The following GAS7 variants were observed in gnomAD, a reference collection of about 807,000 sequenced individuals.
GAS7 encodes the protein growth arrest specific 7, also known as growth arrest-specific protein 7.
Under a neutral mutation model 71.1 loss-of-function variants are expected in GAS7, and 28 were observed. The ratio of observed to expected loss-of-function variants is 0.39; its 90% CI spans 0.29 to 0.54. GAS7 has a LOEUF of 0.54. Ranked by LOEUF, GAS7 falls within the 20% of genes least tolerant of loss-of-function variation. The pLI is 0.62. For missense variants in GAS7, 436 were observed against 627.8 expected (o/e 0.69, Z 3.27); for synonymous variants, 258 against 245.8 (o/e 1.05, Z -0.46).
intron 1 of GAS7, among the ~76,000 whole-genome samples, chr17:10,063,986 G>T (rs991858256): frequency 6.6e-6 from 1 of 152,116 alleles, no homozygotes; most frequent in East Asian, 1.9e-4. Context: ...TAGCACGAGC[G>T]CTCGTCCCCA....
In GAS7 at chr17:10,053,595, G is replaced by A. The variant is rs139154984; in HGVS notation, c.184-33698C>T. Among the ~76,000 whole-genome samples the A allele has an allele frequency of 2.0e-3, 300 of 152,248 alleles. 1 individual carries two copies. The highest frequency in any genetic ancestry group is 6.9e-3 in the African/African-American group (287 of 41,534). On this transcript the variant is annotated intron_variant, in intron 1 of 13. Transcript: ENST00000432992. ...AACCATCTCTCCAGAACAGTTGAAG[G>A]CACCAGGTCTCTTCATCGATGTGGC...
At chr17:10,145,813 T>A (rs1441667730) in intron 1 of GAS7, among the ~76,000 whole-genome samples, 1 of 152,152 alleles carries the variant, frequency 6.6e-6, no homozygotes, top group African/African-American at 2.4e-5. Context: ...GAGAGACACC[T>A]CCCAGCTCTC....
chr17:10,194,664 C>T (rs1359141564), intron 1 of GAS7, among the ~76,000 whole-genome samples: 1 of 152,140 alleles, frequency 6.6e-6, no homozygotes, highest in African/African-American at 2.4e-5. Context: ...TCTACCATAT[C>T]TCTCAAATGA....
intron 1 of GAS7, among the ~76,000 whole-genome samples, chr17:10,143,627 T>C (rs2074100488): frequency 6.6e-6 from 1 of 151,646 alleles, no homozygotes. Flanking sequence ...ATGCCTGGTG[T>C]CCTTATAAGA....
intron 2 of GAS7, among the ~76,000 whole-genome samples, chr17:10,010,074 T>C (rs755527644): frequency 6.6e-6 from 1 of 152,120 alleles, no homozygotes; most frequent in African/African-American, 2.4e-5. Context: ...AATGACCAGA[T>C]AGCTTGGATC....
chr17:9,915,774 G>A lies in GAS7; in HGVS notation c.*1454C>T. ...AGATGAAGAAAGATGGATTTCCAGG[G>A]CATGGGCTCCCGACTAGAATCTGCC... On this transcript the variant is annotated 3_prime_UTR_variant, in exon 14 of 14. Coordinates refer to ENST00000432992, the MANE Select transcript of GAS7 (RefSeq NM_201433.2). 1 of 231,092 alleles carries A rather than the reference G, an allele frequency of 4.3e-6. No individual in the cohort carries two copies. Among genetic ancestry groups the A allele is most frequent in the Non-Finnish European group, 8.6e-6 (1 of 116,672 alleles). The allele number at this position is 231,092 out of a possible 1,614,324, so 14.3% of individuals were successfully genotyped here. A position where few individuals can be genotyped will look rare whatever the true frequency, so the allele number is the denominator to read the frequency against.
intron 5 of GAS7, among the ~76,000 whole-genome samples, chr17:9,948,990 T>C (rs2068897556): frequency 6.6e-6 from 1 of 152,216 alleles, no homozygotes; most frequent in African/African-American, 2.4e-5. Flanking sequence ...CCTGAGGTTT[T>C]GGGCCCAGGA....
At chr17:10,007,480 C>T (rs2071583056) in intron 2 of GAS7, among the ~76,000 whole-genome samples, 1 of 151,942 alleles carries the variant, frequency 6.6e-6, no homozygotes, top group Admixed American at 6.6e-5. Flanking sequence ...CAAAATTAGC[C>T]AGGCGTGGTG....
At chr17:10,174,080 C>T (rs1453677351) in intron 1 of GAS7, among the ~76,000 whole-genome samples, 1 of 152,182 alleles carries the variant, frequency 6.6e-6, no homozygotes, top group Non-Finnish European at 1.5e-5. Flanking sequence ...AACCCTGGGC[C>T]AGGCACTGTC....
chr17:10,144,862 T>TA (rs112904693), intron 1 of GAS7, among the ~76,000 whole-genome samples: 36 of 151,340 alleles, frequency 2.4e-4, no homozygotes, highest in African/African-American at 6.1e-4. Context: ...GTTACATTTC[T>TA]AAAAAAAAAG....
chr17:10,059,641 C>G (rs1395399310), intron 1 of GAS7: 1 of 973,544 alleles, frequency 1.0e-6, no homozygotes, highest in Non-Finnish European at 1.2e-6. Flanking sequence ...GTCCAATTAG[C>G]TTCGAGCATC....
At chr17:10,186,852 C>T (rs1441877323) in intron 1 of GAS7, among the ~76,000 whole-genome samples, 1 of 151,944 alleles carries the variant, frequency 6.6e-6, no homozygotes, top group Non-Finnish European at 1.5e-5. Flanking sequence ...AGTGCCACTG[C>T]ACTCCAGCCC....
At chr17:10,150,923 C>A (rs1363752196) in intron 1 of GAS7, among the ~76,000 whole-genome samples, 1 of 152,170 alleles carries the variant, frequency 6.6e-6, no homozygotes, top group African/African-American at 2.4e-5. Flanking sequence ...CAGGCATCAT[C>A]ATGGTGTGAC....
At chr17:10,193,629 C>T (rs1444608928) in intron 1 of GAS7, among the ~76,000 whole-genome samples, 1 of 152,196 alleles carries the variant, frequency 6.6e-6, no homozygotes, top group African/African-American at 2.4e-5. Context: ...CCAGCTACCA[C>T]ATAACTCCTG....
At chr17:10,083,999 G>A (rs892064114) in intron 1 of GAS7, among the ~76,000 whole-genome samples, 2 of 152,156 alleles carry the variant, frequency 1.3e-5, no homozygotes, top group Non-Finnish European at 2.9e-5. Flanking sequence ...GCCTGGAGGT[G>A]AGGTTTCACA....
chr17:10,157,614 C>T (rs913310035), intron 1 of GAS7, among the ~76,000 whole-genome samples: 3 of 152,320 alleles, frequency 2.0e-5, no homozygotes, highest in African/African-American at 7.2e-5. Context: ...TTTCCTGGCT[C>T]CTGACACTGG....
At chr17:10,036,737 G>T in intron 1 of GAS7, 1 of 1,237,956 alleles carries the variant, frequency 8.1e-7, no homozygotes, top group Non-Finnish European at 1.0e-6. Flanking sequence ...CTTTCCAGAT[G>T]CAATGTTTCT....
intron 9 of GAS7, among the ~76,000 whole-genome samples, chr17:9,929,202 G>A (rs914993718): frequency 6.6e-6 from 1 of 152,120 alleles, no homozygotes; most frequent in African/African-American, 2.4e-5. Context: ...CAGAAACTCC[G>A]GGGTCTCTAA....
intron 11 of GAS7, among the ~76,000 whole-genome samples, chr17:9,922,467 GTATAAAAAT>G (rs1318613596): frequency 6.6e-6 from 1 of 152,200 alleles, no homozygotes; most frequent in Non-Finnish European, 1.5e-5. Context: ...TTTGTAAAGG[GTATAAAAAT>G]ACCTCCCTGC....
Sources: allele counts gnomAD v4.1 joint callset (sites outside exome capture counted in the v4.1 genomes callset), GRCh38; gene constraint gnomAD v4.1.1; transcripts MANE v1.5; gene names NCBI Gene and HGNC (gene_info 2026-07-23, HGNC 2026-07-21).